The following CELF4 variants were observed in gnomAD, a reference collection of about 807,000 sequenced individuals.
CELF4 encodes CUGBP Elav-like family member 4.
A neutral mutation model predicts 59.9 loss-of-function variants in CELF4; 18 were observed. That is an observed-to-expected ratio of 0.30 (90% CI 0.21 to 0.45). CELF4 has a LOEUF of 0.45. CELF4 is among the 20% of genes least tolerant of loss of function. The pLI, the probability that CELF4 is intolerant of heterozygous loss-of-function variation, is 1.00. For synonymous variants in CELF4, 261 were observed against 267.1 expected (o/e 0.98, Z 0.22); for missense variants, 456 against 689.0 (o/e 0.66, Z 3.79).
intron 3 of CELF4, among the ~76,000 whole-genome samples, chr18:37,281,898 C>A (rs184224117): frequency 2.6e-5 from 4 of 152,148 alleles, no homozygotes; most frequent in Admixed American, 1.3e-4. Flanking sequence ...CCCTCTCTAA[C>A]TTTACCTGTG....
intron 12 of CELF4, among the ~76,000 whole-genome samples, chr18:37,252,855 A>G (rs1005589958): frequency 6.6e-6 from 1 of 151,936 alleles, no homozygotes; most frequent in African/African-American, 2.4e-5. Flanking sequence ...ATGGAGGAAC[A>G]TGGGCAGGGA....
rs1049076375 is a variant in CELF4 at position 37,270,891 on chromosome 18, C to T, written c.976G>A (p.Ala326Thr). The T allele has an allele frequency of 1.2e-6, 2 of 1,611,900 alleles. No individual in the cohort carries two copies. Among genetic ancestry groups the T allele is most frequent in the Non-Finnish European group, 1.7e-6 (2 of 1,179,290 alleles). ...SGGSTPPGIT[A>T]PAVPSIPSPI... is the part of the protein sequence containing the mutation. ...GATGGGATGCTAGGCACGGCTGGTG[C>T]AGTGATGCCCGGAGGGGTGCTGCCA... The change falls in exon 8 of 13, where the codon GCA (alanine) becomes ACA (threonine). Residue 326 changes from alanine (A) to threonine (T), a missense_variant. By Grantham distance (58) the Ala-to-Thr change is moderately conservative (BLOSUM62 0). This residue lies in a region of CELF4 where 256 missense variants were observed against 340.8 expected (regional missense o/e 0.75). Coordinates refer to ENST00000420428, the MANE Select transcript of CELF4 (RefSeq NM_020180.4).
chr18:37,550,620 G>A (rs1182410080), intron 1 of CELF4, among the ~76,000 whole-genome samples: 5 of 152,218 alleles, frequency 3.3e-5, no homozygotes, highest in Non-Finnish European at 5.9e-5. Context: ...TGATCCGCAG[G>A]CCCCACTGGG....
rs61248144 is a variant in CELF4 at position 37,444,617 on chromosome 18, T to TACACACACACACACACACACAC, written c.369+40886_369+40907dup. ...TCTCTCTCTCTCTCTCTAGCATGCATACACACACACACACACACACACACA... is the reference window on the plus strand; with the variant it reads ...TCTCTCTCTCTCTCTCTAGCATGCATACACACACACACACACACACACACACACACACACACACACACACACA... On this transcript the variant is annotated intron_variant, in intron 2 of 12. Coordinates refer to ENST00000420428, the MANE Select transcript of CELF4 (RefSeq NM_020180.4). Among the ~76,000 whole-genome samples the TACACACACACACACACACACAC allele has an allele frequency of 1.5e-3, 197 of 134,236 alleles. 3 individuals are homozygous for TACACACACACACACACACACAC. The highest frequency in any genetic ancestry group is 5.4e-3 in the African/African-American group (188 of 34,624). 88.1% of individuals were successfully genotyped at this position (134,236 alleles called of 152,430 possible).
intron 3 of CELF4, among the ~76,000 whole-genome samples, chr18:37,310,626 G>GTCTCA (rs911697039): frequency 2.6e-5 from 4 of 152,138 alleles, no homozygotes; most frequent in African/African-American, 9.7e-5. Flanking sequence ...GGTTCATGCC[G>GTCTCA]TCTCATCCCT....
At chr18:37,287,271 G>T (rs1322397943) in intron 3 of CELF4, among the ~76,000 whole-genome samples, 3 of 152,352 alleles carry the variant, frequency 2.0e-5, no homozygotes, top group Non-Finnish European at 4.4e-5. Flanking sequence ...CAGGCTGCTC[G>T]TCTCTCCTCA....
At position 37,254,412 on chromosome 18, in the gene CELF4, G is replaced by C. The variant is rs1484189656; in HGVS notation, c.1334-474C>G. Among the ~76,000 whole-genome samples, 1 of 151,858 alleles carries C rather than the reference G, an allele frequency of 6.6e-6. No homozygotes were observed. The highest frequency in any genetic ancestry group is 1.5e-5 in the Non-Finnish European group (1 of 67,888). On this transcript the variant is annotated intron_variant, in intron 11 of 12. Transcript: ENST00000420428. The surrounding 1 kb of genome is among the most constrained non-coding windows in gnomAD (Gnocchi z 5.1). ...GGGAGAGAGACGAGTGCGAGGGGCC[G>C]GGAGGGAGGCGCCGCCGAGAAACTT...
At chr18:37,325,820 C>T (rs2097290269) in intron 2 of CELF4, among the ~76,000 whole-genome samples, 1 of 152,232 alleles carries the variant, frequency 6.6e-6, no homozygotes, top group Non-Finnish European at 1.5e-5. Context: ...GGTCATTTTC[C>T]ATGTGCCATT....
intron 1 of CELF4, among the ~76,000 whole-genome samples, chr18:37,534,929 G>A (rs1365128157): frequency 3.3e-5 from 5 of 152,196 alleles, no homozygotes; most frequent in Admixed American, 6.5e-5. Context: ...GTTCCAGGTC[G>A]TGGAACCCTG....
At position 37,364,597 on chromosome 18, in the gene CELF4, C is replaced by T. The variant is rs112304020; in HGVS notation, c.370-42716G>A. On this transcript the variant is annotated intron_variant, in intron 2 of 12. Coordinates refer to ENST00000420428, the MANE Select transcript of CELF4 (RefSeq NM_020180.4). The stretch of plus-strand genomic sequence containing the variant: ...TGGGGCTCCATCTCCCTGGGGACCC[C>T]GAACTCAGCAGTGCATACTATCCAC... Among the ~76,000 whole-genome samples the T allele has an allele frequency of 1.3e-3, 192 of 152,304 alleles. 2 individuals are homozygous for T. Among genetic ancestry groups the T allele is most frequent in the African/African-American group, 3.0e-3 (126 of 41,564 alleles).
intron 2 of CELF4, among the ~76,000 whole-genome samples, chr18:37,460,186 C>T (rs576786836): frequency 6.6e-6 from 1 of 152,210 alleles, no homozygotes; most frequent in Non-Finnish European, 1.5e-5. Context: ...GATCTTAACC[C>T]TAAAAGTTTC....
At chr18:37,543,493 G>T (rs1007176587) in intron 1 of CELF4, among the ~76,000 whole-genome samples, 2 of 152,188 alleles carry the variant, frequency 1.3e-5, no homozygotes, top group South Asian at 2.1e-4. Flanking sequence ...CTCCCCATGA[G>T]TGTGTGAGCC....
Position 37,273,020 on chromosome 18 carries a change from G to A in CELF4, c.945C>T (p.Thr315=). 6.2e-7 allele frequency: 1 copy of A among 1,607,710 alleles called. No homozygotes were observed. The highest frequency in any genetic ancestry group is 8.5e-7 in the Non-Finnish European group (1 of 1,176,722). Residue 315 remains threonine, a synonymous_variant, in exon 7 of 13, where the codon ACC becomes ACT. Transcript: ENST00000420428. The part of the protein sequence containing the change: ...NGLAAAPMTP[T]SGGSTPPGIT... ...TGTTGGCACCTGCCAGCTCACCTGA[G>A]GTTGGGGTCATAGGTGCGGCCGCCA...
intron 2 of CELF4, among the ~76,000 whole-genome samples, chr18:37,453,664 G>C (rs1384695075): frequency 2.0e-5 from 3 of 152,140 alleles, no homozygotes; most frequent in Non-Finnish European, 4.4e-5. Flanking sequence ...GAGCATCGGG[G>C]GTCAATGGTG....
At chr18:37,303,856 G>C (rs2096237411) in intron 3 of CELF4, among the ~76,000 whole-genome samples, 1 of 152,146 alleles carries the variant, frequency 6.6e-6, no homozygotes, top group South Asian at 2.1e-4. Context: ...TCTGTTTCCA[G>C]ACACTGTCAT....
At chr18:37,547,146 G>A (rs1557342) in intron 1 of CELF4, among the ~76,000 whole-genome samples, 6,072 of 119,204 alleles carry the variant, frequency 0.051, 155 homozygotes, top group Middle Eastern at 0.11. Context: ...CTTAGTGTAT[G>A]TGTGTGTGTG....
intron 11 of CELF4, 97 bp downstream of exon 11, chr18:37,259,084 C>A: frequency 6.3e-7 from 1 of 1,589,600 alleles, no homozygotes; most frequent in Non-Finnish European, 8.6e-7. Context: ...ACCGCCCTGT[C>A]CTAGGTGAAG....
chr18:37,492,918 C>A (rs1418337509), intron 1 of CELF4, among the ~76,000 whole-genome samples: 1 of 152,074 alleles, frequency 6.6e-6, no homozygotes, highest in Non-Finnish European at 1.5e-5. Flanking sequence ...GGGTCTGTGC[C>A]TCTCTCTCTG....
At chr18:37,299,310 ATTTATATGTTG>A (rs1177897855) in intron 3 of CELF4, among the ~76,000 whole-genome samples, 2 of 152,152 alleles carry the variant, frequency 1.3e-5, no homozygotes, top group South Asian at 2.1e-4. Context: ...TATTTTCTTG[ATTTATATGTTG>A]TTTATATGTT....
Sources: allele counts gnomAD v4.1 joint callset (sites outside exome capture counted in the v4.1 genomes callset), GRCh38; gene constraint gnomAD v4.1.1; regional missense constraint gnomAD v4.1.1; non-coding constraint Gnocchi (gnomAD v3.1); transcripts MANE v1.5; gene names NCBI Gene and HGNC (gene_info 2026-07-23, HGNC 2026-07-21).